Variants in USP39 observed in about 807,000 individuals in gnomAD.
USP39 encodes ubiquitin specific peptidase 39, also known as ubiquitin carboxyl-terminal hydrolase 39.
A neutral mutation model predicts 66.4 loss-of-function variants in USP39; 38 were observed. The observed-to-expected ratio is 0.57, with a 90% CI of 0.44 to 0.75. The LOEUF (loss-of-function observed/expected upper bound fraction) is 0.75. Among genes scored for constraint, USP39 ranks in the 30% least tolerant of loss-of-function variants. The probability of loss-of-function intolerance (pLI) is 0.00; values close to 1 mark genes in which losing one functional copy is unlikely to be tolerated. For missense variants in USP39, 608 were observed against 714.4 expected (o/e 0.85, Z 1.70); for synonymous variants, 303 against 274.6 (o/e 1.10, Z -1.02).
rs765639585 is a variant in USP39, at chr2:85,640,961, C to A, written c.1285-15C>A. ...ACTTCAGCACTAATTTGAGAATTTT[C>A]TTTTCTTTCTCTAGGAATATAAGAC... On this transcript the variant is annotated splice_polypyrimidine_tract_variant and intron_variant, in intron 9 of 12. Coordinates refer to ENST00000323701, the MANE Select transcript of USP39 (RefSeq NM_006590.4). 5 of 1,588,794 alleles carry A rather than the reference C, an allele frequency of 3.1e-6. No individual in the cohort carries two copies. The highest frequency in any genetic ancestry group is 3.8e-5 in the Admixed American group (2 of 52,062).
At chr2:85,611,105 T>G, upstream of USP39, 1 of 281,968 alleles carries the variant, frequency 3.5e-6, no homozygotes. Flanking sequence ...ACCGGTGTGG[T>G]GGCACACGCC....
chr2:85,638,253 C>A (rs948276870), intron 8 of USP39, among the ~76,000 whole-genome samples: 4 of 151,842 alleles, frequency 2.6e-5, no homozygotes, highest in African/African-American at 7.3e-5. Flanking sequence ...AACTCCTGAC[C>A]TTAGGTGATC....
At position 85,616,473 on chromosome 2, in the gene USP39, G is replaced by A. The variant is rs1044037770; in HGVS notation, c.268+10G>A. 6 of 1,501,110 alleles carry A rather than the reference G, an allele frequency of 4.0e-6. No homozygotes were observed. Among genetic ancestry groups the A allele is most frequent in the African/African-American group, 1.4e-5 (1 of 69,514 alleles). The allele number at this position is 1,501,110 out of a possible 1,614,324, so 93.0% of individuals were successfully genotyped here. On this transcript the variant is annotated intron_variant, in intron 1 of 12. Transcript: ENST00000323701. ...GAGCGGGAGGTGCGAGGTGCGCGGG[G>A]CCGGGCCGGGCTAGGCGCGAGAGCC...
intron 1 of USP39, among the ~76,000 whole-genome samples, chr2:85,617,009 C>A (rs960185332): frequency 1.3e-5 from 2 of 148,518 alleles, no homozygotes; most frequent in Non-Finnish European, 3.0e-5. Flanking sequence ...GTATTTCTAA[C>A]TGCAAAAATC....
intron 11 of USP39, 95 bp from the exon 12 acceptor site, chr2:85,647,835 T>A: frequency 2.7e-6 from 3 of 1,095,014 alleles, no homozygotes; most frequent in Non-Finnish European, 4.1e-6. Context: ...TAGTGGCTGT[T>A]CTTCTAATTT....
At chr2:85,608,426 A>AG (rs1673295967), upstream of USP39, 1 of 152,276 alleles carries the variant, frequency 6.6e-6, no homozygotes, top group African/African-American at 2.4e-5. Flanking sequence ...AGTCATTTGG[A>AG]GGGGGAGGAA....
intron 12 of USP39, 119 bp downstream of exon 12, chr2:85,648,135 A>G (rs547247682): frequency 4.8e-5 from 47 of 969,468 alleles, no homozygotes; most frequent in Non-Finnish European, 6.5e-5. Context: ...CCAGGTACCT[A>G]TTGGGAAGTA....
In USP39 at chr2:85,648,823, G is replaced by T; in HGVS notation, c.*15G>T. 1 of 1,614,028 alleles carries T rather than the reference G, an allele frequency of 6.2e-7. No homozygotes were observed. On this transcript the variant is annotated 3_prime_UTR_variant, in exon 13 of 13. Transcript: ENST00000323701. The stretch of plus-strand genomic sequence containing the variant: ...AGGGGGCTTGAAGGAGGCGTCTAGG[G>T]CTTTGCTCCCAAGGGCTGTGGCTGA...
Position 85,619,258 on chromosome 2 carries a change from C to T in USP39, c.307C>T (p.Arg103Cys), listed in dbSNP as rs1674265695. Residue 103 changes from arginine (R) to cysteine (C), a missense_variant, in exon 2 of 13, where the codon CGC becomes TGC. By Grantham distance (180) the Arg-to-Cys change is radical (BLOSUM62 -3). Coordinates refer to ENST00000323701, the MANE Select transcript of USP39 (RefSeq NM_006590.4). Reference protein sequence around the residue: ...GRVDSEDRRSRHCPYLDTINR... With the variant: ...GRVDSEDRRSCHCPYLDTINR... ...AGTGGATTCTGAGGACCGGAGGAGC[C>T]GCCACTGCCCGTACCTGGACACCAT... 3.7e-6 allele frequency: 6 copies of T among 1,613,826 alleles called. No individual in the cohort carries two copies. Among genetic ancestry groups the T allele is most frequent in the African/African-American group, 1.3e-5 (1 of 74,958 alleles).
intron 7 of USP39, among the ~76,000 whole-genome samples, chr2:85,636,694 TG>T (rs772056327): frequency 3.9e-5 from 6 of 152,008 alleles, no homozygotes; most frequent in Non-Finnish European, 8.8e-5. Flanking sequence ...TTAGTAGAGA[TG>T]GGATTTCTCC....
chr2:85,616,795 C>T (rs374262533), intron 1 of USP39, among the ~76,000 whole-genome samples: 1 of 151,664 alleles, frequency 6.6e-6, no homozygotes, highest in Admixed American at 6.6e-5. Flanking sequence ...CTCCTACCTC[C>T]GCCTCCCAGG....
chr2:85,627,457 T>TA lies in USP39; in HGVS notation c.723+1772dup, dbSNP rs202195094. On this transcript the variant is annotated intron_variant, in intron 5 of 12. Coordinates refer to ENST00000323701, the MANE Select transcript of USP39 (RefSeq NM_006590.4). ...AATCCTACTTCACCAAGAAAATGAT[T>TA]AAAAAATCATAAACACAGGCTTATT... Among the ~76,000 whole-genome samples the TA allele has an allele frequency of 3.7e-3, 558 of 151,702 alleles. 4 individuals are homozygous for TA. Among genetic ancestry groups the TA allele is most frequent in the Admixed American group, 0.012 (179 of 15,200 alleles).
chr2:85,614,284 C>T (rs1439556197), upstream of USP39, among the ~76,000 whole-genome samples: 4 of 152,052 alleles, frequency 2.6e-5, no homozygotes, highest in African/African-American at 9.7e-5. Flanking sequence ...GAAGGGGAGG[C>T]GGGCGGATCA....
chr2:85,616,469 CG>C lies in USP39; in HGVS notation c.268+10del. The C allele has an allele frequency of 1.5e-6, 2 of 1,361,764 alleles. No individual in the cohort carries two copies. Among genetic ancestry groups the C allele is most frequent in the African/African-American group, 3.1e-5 (2 of 63,708 alleles). The allele number at this position is 1,361,764 out of a possible 1,614,324, so 84.4% of individuals were successfully genotyped here. A position where few individuals can be genotyped will look rare whatever the true frequency, so the allele number is the denominator to read the frequency against. On this transcript the variant is annotated splice_region_variant and intron_variant, in intron 1 of 12. Transcript: ENST00000323701. Reference sequence around the variant, plus strand: ...GCCTGAGCGGGAGGTGCGAGGTGCGCGGGGCCGGGCCGGGCTAGGCGCGAGA... The same window carrying C: ...GCCTGAGCGGGAGGTGCGAGGTGCGCGGGCCGGGCCGGGCTAGGCGCGAGA...
chr2:85,647,032 G>A (rs1037083901), intron 11 of USP39, among the ~76,000 whole-genome samples: 1 of 151,982 alleles, frequency 6.6e-6, no homozygotes, highest in Non-Finnish European at 1.5e-5. Context: ...GGACCTACAG[G>A]CACCTGCCAC....
At chr2:85,638,625 G>C (rs1288611317) in intron 8 of USP39, among the ~76,000 whole-genome samples, 1 of 150,498 alleles carries the variant, frequency 6.6e-6, no homozygotes, top group African/African-American at 2.4e-5. Context: ...CGCAACCTCC[G>C]CCTCCCGAGT....
intron 2 of USP39, among the ~76,000 whole-genome samples, chr2:85,619,653 A>G (rs1674296012): frequency 4.0e-5 from 6 of 151,702 alleles, no homozygotes; most frequent in Admixed American, 1.3e-4. Context: ...TTACCTCATC[A>G]TAGCATTCTT....
At chr2:85,611,980 T>C (rs1673578533), upstream of USP39, 3 of 1,537,168 alleles carry the variant, frequency 2.0e-6, no homozygotes, top group Non-Finnish European at 2.6e-6. Context: ...CGGCCCCGCC[T>C]CCATCAGGAG....
chr2:85,614,142 C>T (rs578158064), upstream of USP39, among the ~76,000 whole-genome samples: 2 of 152,144 alleles, frequency 1.3e-5, no homozygotes, highest in South Asian at 4.2e-4. Context: ...CTATTCAGAC[C>T]CCAGCAGAGG....
Sources: allele counts gnomAD v4.1 joint callset (sites outside exome capture counted in the v4.1 genomes callset), GRCh38; gene constraint gnomAD v4.1.1; transcripts MANE v1.5; gene names NCBI Gene and HGNC (gene_info 2026-07-23, HGNC 2026-07-21).